Variants in CHST9 observed in about 807,000 individuals in gnomAD.
CHST9 encodes carbohydrate sulfotransferase 9, also known as GalNAc-4-sulfotransferase 2.
A neutral mutation model predicts 44.4 loss-of-function variants in CHST9; 41 were observed. The ratio of observed to expected loss-of-function variants is 0.92; its 90% CI spans 0.72 to 1.20. The LOEUF is 1.20. CHST9 is among the 50% of genes most tolerant of loss of function. CHST9 has a pLI of 0.00. For missense variants in CHST9, 504 were observed against 516.5 expected (o/e 0.98, Z 0.23); for synonymous variants, 171 against 178.4 (o/e 0.96, Z 0.33).
At chr18:27,176,905 T>C (rs1220547121) in intron 1 of CHST9, among the ~76,000 whole-genome samples, 1 of 152,070 alleles carries the variant, frequency 6.6e-6, no homozygotes, top group Non-Finnish European at 1.5e-5. Context: ...GCTAGACTTT[T>C]AGCAAGTAGC....
chr18:27,113,648 C>T (rs142972614), intron 2 of CHST9, among the ~76,000 whole-genome samples: 20 of 152,236 alleles, frequency 1.3e-4, no homozygotes, highest in South Asian at 6.2e-4. Flanking sequence ...AAGAAGGTGC[C>T]ATCTCTGAGC....
intron 3 of CHST9, among the ~76,000 whole-genome samples, chr18:27,028,522 CA>C (rs2057306612): frequency 6.6e-6 from 1 of 151,838 alleles, no homozygotes; most frequent in Non-Finnish European, 1.5e-5. Context: ...CTTAATCAGG[CA>C]AATCACTTAG....
intron 1 of CHST9, among the ~76,000 whole-genome samples, chr18:27,182,438 C>A (rs8088724): frequency 6.6e-6 from 1 of 152,014 alleles, no homozygotes; most frequent in African/African-American, 2.4e-5. Flanking sequence ...TTCAAGTACA[C>A]ATCAATTATT....
At chr18:27,139,830 T>C (rs1223045380) in intron 2 of CHST9, among the ~76,000 whole-genome samples, 7 of 152,168 alleles carry the variant, frequency 4.6e-5, no homozygotes, top group Admixed American at 3.3e-4. Flanking sequence ...TTTCCAACAC[T>C]TGGGAAAATT....
chr18:27,102,696 G>C (rs564405877), intron 2 of CHST9, among the ~76,000 whole-genome samples: 3 of 152,082 alleles, frequency 2.0e-5, no homozygotes, highest in African/African-American at 7.2e-5. Flanking sequence ...GGTTCCTTTG[G>C]GACATACTTG....
chr18:27,058,120 C>A (rs1286827884), intron 2 of CHST9, among the ~76,000 whole-genome samples: 9 of 152,122 alleles, frequency 5.9e-5, no homozygotes. Context: ...TAATTATTGC[C>A]AGGTTTTAAA....
intron 2 of CHST9, among the ~76,000 whole-genome samples, chr18:27,142,434 C>T (rs2058575672): frequency 6.6e-6 from 1 of 152,124 alleles, no homozygotes; most frequent in South Asian, 2.1e-4. Flanking sequence ...ACAAGCAGTT[C>T]TTGCTGGACT....
rs2058313782 is a variant in CHST9 at position 27,115,702 on chromosome 18, G to A, written c.121+26987C>T. 2.0e-5 allele frequency among the ~76,000 whole-genome samples: 3 copies of A among 151,976 alleles called. No homozygotes were observed. In the South Asian group the frequency reaches 6.2e-4, roughly 31 times the overall value. On this transcript the variant is annotated intron_variant, in intron 2 of 5. Coordinates refer to ENST00000618847, the MANE Select transcript of CHST9 (RefSeq NM_031422.6). ...CTTTTTAATATTTTTTTGTAGAGATGGGGTCTCATTTTGTTACCTAGGCTG... is the reference window on the plus strand; with the variant it reads ...CTTTTTAATATTTTTTTGTAGAGATAGGGTCTCATTTTGTTACCTAGGCTG...
At chr18:27,117,637 A>C (rs1353688578) in intron 2 of CHST9, among the ~76,000 whole-genome samples, 1 of 152,148 alleles carries the variant, frequency 6.6e-6, no homozygotes, top group Admixed American at 6.5e-5. Flanking sequence ...TGTTGGAATC[A>C]TACAGTATGT....
chr18:27,023,448 T>G (rs1481484968), intron 4 of CHST9, among the ~76,000 whole-genome samples: 2 of 152,200 alleles, frequency 1.3e-5, no homozygotes, highest in African/African-American at 4.8e-5. Context: ...CAACATTGTT[T>G]TATTACTTTC....
chr18:27,155,498 C>T (rs945557084), intron 1 of CHST9, among the ~76,000 whole-genome samples: 2 of 152,174 alleles, frequency 1.3e-5, no homozygotes, highest in African/African-American at 4.8e-5. Flanking sequence ...AATACCTGAT[C>T]TTCATTAGAG....
chr18:27,072,834 T>A (rs897669346), intron 2 of CHST9, among the ~76,000 whole-genome samples: 1 of 152,186 alleles, frequency 6.6e-6, no homozygotes, highest in Non-Finnish European at 1.5e-5. Flanking sequence ...AGTAGGGGCT[T>A]CTCTTTCTGT....
intron 2 of CHST9, among the ~76,000 whole-genome samples, chr18:27,077,230 A>C (rs1166135395): frequency 5.3e-5 from 8 of 152,218 alleles, no homozygotes; most frequent in Non-Finnish European, 1.0e-4. Context: ...GAAGAAAACA[A>C]TTATAATTTT....
chr18:26,916,691 A>G lies in CHST9; in HGVS notation c.900T>C (p.Tyr300=), dbSNP rs1420444228. The G allele has an allele frequency of 8.1e-6, 13 of 1,613,798 alleles. No homozygotes were observed. Among genetic ancestry groups the G allele is most frequent in the Admixed American group, 1.7e-5 (1 of 59,984 alleles). The part of the protein sequence containing the change: ...FRDKFEHPNS[Y]YHPVFGKAII... The stretch of plus-strand genomic sequence containing the variant: ...TTGCCTTTCCGAATACTGGATGGTA[A>G]TAACTATTGGGGTGTTCAAATTTGT... Residue 300 remains tyrosine (Y), a synonymous_variant, in exon 6 of 6, where the codon TAT becomes TAC. Coordinates refer to ENST00000618847, the MANE Select transcript of CHST9 (RefSeq NM_031422.6).
intron 2 of CHST9, among the ~76,000 whole-genome samples, chr18:27,090,036 C>A (rs1412601265): frequency 1.3e-5 from 2 of 152,124 alleles, no homozygotes; most frequent in African/African-American, 2.4e-5. Flanking sequence ...TGGTCTCAAT[C>A]TCCTGACCTC....
At chr18:26,953,391 G>A (rs534128249) in intron 4 of CHST9, among the ~76,000 whole-genome samples, 4 of 152,274 alleles carry the variant, frequency 2.6e-5, no homozygotes, top group South Asian at 2.1e-4. Context: ...TGTTTAAAGC[G>A]ATAGACAATT....
intron 4 of CHST9, among the ~76,000 whole-genome samples, chr18:26,959,790 G>A (rs1164455558): frequency 2.0e-5 from 3 of 152,202 alleles, no homozygotes; most frequent in Non-Finnish European, 4.4e-5. Flanking sequence ...CATAATATTT[G>A]TTGAGGGAGT....
chr18:27,135,949 G>C (rs1382598905), intron 2 of CHST9, among the ~76,000 whole-genome samples: 2 of 152,126 alleles, frequency 1.3e-5, no homozygotes, highest in Non-Finnish European at 2.9e-5. Flanking sequence ...CACATTTTGG[G>C]TACAGAGACT....
rs575334549 is a variant in CHST9, at chr18:26,908,132, A to G, written c.*8127T>C. The G allele has an allele frequency of 6.6e-6, 1 of 152,540 alleles. No individual in the cohort carries two copies. Among genetic ancestry groups the G allele is most frequent in the African/African-American group, 2.4e-5 (1 of 41,590 alleles). 9.4% of individuals were successfully genotyped at this position (152,540 alleles called of 1,614,324 possible). A position where few individuals can be genotyped will look rare whatever the true frequency, so the allele number is the denominator to read the frequency against. ...TGCTGCTGAACTGTACACTTAAAAA[A>G]TGGTGGCAAGGCATGGTGGCTCATG... is the stretch of plus-strand genomic sequence containing the variant. On this transcript the variant is annotated 3_prime_UTR_variant, in exon 6 of 6. Transcript: ENST00000618847.
Sources: gnomAD v4.1 joint callset for allele counts (sites outside exome capture counted in the v4.1 genomes callset) on GRCh38, gnomAD v4.1.1 for gene constraint, MANE v1.5 for transcripts, NCBI Gene and HGNC (gene_info 2026-07-23, HGNC 2026-07-21) for gene names.